Variants in CAPN1 observed in about 807,000 individuals in gnomAD.
The protein encoded by CAPN1 is calpain-1 catalytic subunit.
CAPN1 carries 77 observed loss-of-function variants against 105.2 expected under a neutral mutation model. The observed-to-expected ratio is 0.73, with a 90% CI of 0.61 to 0.88. The LOEUF is 0.88. Among genes scored for constraint, CAPN1 ranks in the 40% least tolerant of loss-of-function variants. CAPN1 has a pLI of 0.00. For missense variants in CAPN1, 833 were observed against 976.6 expected (o/e 0.85, Z 1.96); for synonymous variants, 355 against 388.8 (o/e 0.91, Z 1.02).
chr11:65,206,498 C>T lies in CAPN1; in HGVS notation c.1389C>T (p.Asp463=). ...VGQPAVHLKR[D]FFLANASRAR... ...AGCCGGCCGTACACTTGAAGCGTGA[C>T]TTCTTCCTGGCCAATGCGTCTCGGG... The change falls in exon 13 of 22, where the codon GAC becomes GAT. Residue 463 remains aspartate (D), a synonymous_variant. Transcript: ENST00000279247. 1 of 1,613,438 alleles carries T rather than the reference C, an allele frequency of 6.2e-7. No individual in the cohort carries two copies. The highest frequency in any genetic ancestry group is 8.5e-7 in the Non-Finnish European group (1 of 1,179,872).
chr11:65,190,827 C>T (rs1375707289), intron 10 of CAPN1, among the ~76,000 whole-genome samples: 2 of 152,042 alleles, frequency 1.3e-5, no homozygotes, highest in Non-Finnish European at 2.9e-5. Context: ...ATGCTTCTGC[C>T]TCAACCTCCT....
intron 11 of CAPN1, 30 bp downstream of exon 11, chr11:65,204,888 A>T: frequency 3.8e-6 from 6 of 1,577,010 alleles, no homozygotes; most frequent in Non-Finnish European, 4.3e-6. Context: ...GGTGGATCTC[A>T]CTGAGCAGGC....
Position 65,183,171 on chromosome 11 carries a change from G to C in CAPN1, c.311G>C (p.Arg104Pro). The C allele has an allele frequency of 6.2e-7, 1 of 1,613,870 alleles. No homozygotes were observed. Among genetic ancestry groups the C allele is most frequent in the Non-Finnish European group, 8.5e-7 (1 of 1,179,802 alleles). Residue 104 changes from arginine to proline, a missense_variant, in exon 3 of 22, where the codon CGC (arginine) becomes CCC (proline). By Grantham distance (103) the Arg-to-Pro change is moderately radical. Transcript: ENST00000279247. The part of the protein sequence containing the change: ...NPQFIVDGAT[R>P]TDICQGALGD... Reference sequence around the variant, plus strand: ...CAGTTCATTGTGGATGGAGCTACCCGCACAGACATCTGCCAGGGAGCACTG... The same window carrying C: ...CAGTTCATTGTGGATGGAGCTACCCCCACAGACATCTGCCAGGGAGCACTG...
rs762083288 is a variant in CAPN1, at chr11:65,206,612, C to T, written c.1503C>T (p.Phe501=). The change falls in exon 13 of 22, where the codon TTC becomes TTT. Residue 501 remains phenylalanine (F), a synonymous_variant. Transcript: ENST00000279247. ...AGTATGTGGTGGTGCCCTCCACCTTCGAGCCCAACAAGGAGGGCGACTTCG... is the reference window on the plus strand; with the variant it reads ...AGTATGTGGTGGTGCCCTCCACCTTTGAGCCCAACAAGGAGGGCGACTTCG... ...PGEYVVVPST[F]EPNKEGDFVL... is the part of the protein sequence containing the mutation. 1.7e-5 allele frequency: 27 copies of T among 1,613,340 alleles called. No homozygotes were observed. Among genetic ancestry groups the T allele is most frequent in the African/African-American group, 1.2e-4 (9 of 74,930 alleles).
chr11:65,181,891 A>AGGGCGGAG (rs1236832070), upstream of CAPN1: 3 of 106,234 alleles, frequency 2.8e-5, no homozygotes, highest in Non-Finnish European at 6.1e-5. The surrounding 1 kb of genome is among the most constrained non-coding windows in gnomAD (Gnocchi z 4.6). Context: ...GGGAGGGCGG[A>AGGGCGGAG]GGGCGGAGGG....
chr11:65,210,511 G>C lies in CAPN1; in HGVS notation c.2059+59G>C. On this transcript the variant is annotated intron_variant, in intron 20 of 21. Transcript: ENST00000279247. The surrounding 1 kb of genome is among the most constrained non-coding windows in gnomAD (Gnocchi z 4.3). ...TCCGTCCCAAACGCGTCCCCCAGGA[G>C]CTGGGGGGAATGACAGATGGGTGAA... is the stretch of plus-strand genomic sequence containing the variant. The C allele has an allele frequency of 4.9e-6, 5 of 1,027,250 alleles. No homozygotes were observed. Among genetic ancestry groups the C allele is most frequent in the Admixed American group, 1.9e-5 (1 of 52,094 alleles). The allele number at this position is 1,027,250 out of a possible 1,614,324, so 63.6% of individuals were successfully genotyped here.
At chr11:65,205,894 G>C (rs1369213566) in intron 12 of CAPN1, 173 bp downstream of exon 12, 1 of 659,012 alleles carries the variant, frequency 1.5e-6, no homozygotes, top group Non-Finnish European at 2.8e-6. Flanking sequence ...TTGCTCTCCT[G>C]AGGGTCAGCA....
rs1015587537 is a variant in CAPN1, at chr11:65,188,707, C to T, written c.1126C>T (p.Arg376Trp). Residue 376 changes from arginine (R) to tryptophan (W), a missense_variant, in exon 10 of 22, where the codon CGG becomes TGG. By Grantham distance (101) the Arg-to-Trp change is moderately radical. Coordinates refer to ENST00000279247, the MANE Select transcript of CAPN1 (RefSeq NM_005186.4). This position sits in a 1 kb window ranked among gnomAD's most constrained non-coding sequence, Gnocchi z 5.5. ...CACCACACTCTACGAAGGCACCTGG[C>T]GGCGGGGGAGCACCGCGGGGGGCTG... is the stretch of plus-strand genomic sequence containing the variant. ...WNTTLYEGTW[R>W]RGSTAGGCRN... The T allele has an allele frequency of 5.0e-6, 8 of 1,603,886 alleles. No individual in the cohort carries two copies. Among genetic ancestry groups the T allele is most frequent in the African/African-American group, 1.3e-5 (1 of 74,584 alleles).
At position 65,209,709 on chromosome 11, in the gene CAPN1, C is replaced by T. The variant is rs542890577; in HGVS notation, c.1795-140C>T. 9.8e-5 allele frequency: 79 copies of T among 806,950 alleles called. No individual in the cohort carries two copies. The highest frequency in any genetic ancestry group is 1.5e-4 in the Non-Finnish European group (75 of 492,596). The allele number at this position is 806,950 out of a possible 1,614,324, so 50.0% of individuals were successfully genotyped here. Reference sequence around the variant, plus strand: ...TAAGGCAAGCCCGGCTGTGGGCTGACTGTACATGGCTTTTGCTGCTTCTCC... The same window carrying T: ...TAAGGCAAGCCCGGCTGTGGGCTGATTGTACATGGCTTTTGCTGCTTCTCC... On this transcript the variant is annotated intron_variant, in intron 17 of 21. Transcript: ENST00000279247. The surrounding 1 kb of genome is among the most constrained non-coding windows in gnomAD (Gnocchi z 4.1).
At chr11:65,181,482 C>G (rs1948527557), upstream of CAPN1, 1 of 259,878 alleles carries the variant, frequency 3.8e-6, no homozygotes, top group African/African-American at 2.4e-5. The surrounding 1 kb of genome is among the most constrained non-coding windows in gnomAD (Gnocchi z 4.6). Flanking sequence ...GCGAGGGGAG[C>G]TGGGGACCGG....
chr11:65,186,902 C>A (rs1322877718), intron 6 of CAPN1, among the ~76,000 whole-genome samples: 17 of 152,208 alleles, frequency 1.1e-4, no homozygotes, highest in Non-Finnish European at 2.5e-4. Flanking sequence ...CTCTGGTGGG[C>A]TGTGCACGGC....
At chr11:65,185,821 G>A in intron 4 of CAPN1, 96 bp from the exon 5 acceptor site, 1 of 1,268,796 alleles carries the variant, frequency 7.9e-7, no homozygotes, top group South Asian at 1.4e-5. Flanking sequence ...TATGTATCTG[G>A]GATGTAGAAT....
In CAPN1 at chr11:65,208,241, C is replaced by T; in HGVS notation, c.1708C>T (p.Leu570Phe). 1 of 1,570,710 alleles carries T rather than the reference C, an allele frequency of 6.4e-7. No homozygotes were observed. Among genetic ancestry groups the T allele is most frequent in the Non-Finnish European group, 8.6e-7 (1 of 1,157,866 alleles). Residue 570 changes from leucine (L) to phenylalanine (F), a missense_variant, in exon 16 of 22, where the codon CTC becomes TTC. Coordinates refer to ENST00000279247, the MANE Select transcript of CAPN1 (RefSeq NM_005186.4). This position sits in a 1 kb window ranked among gnomAD's most constrained non-coding sequence, Gnocchi z 4.1. Reference protein sequence around the residue: ...EISVKELRTILNRIISKHKDL... With the variant: ...EISVKELRTIFNRIISKHKDL... ...CAGCGTGAAGGAGTTGCGGACAATC[C>T]TCAATAGGATCATCAGCAAACGTGA...
rs1266944556 is a variant in CAPN1, at chr11:65,194,414, G to GCA, written c.1165+5668_1165+5669insCA. 2.9e-3 allele frequency among the ~76,000 whole-genome samples: 435 copies of GCA among 152,266 alleles called. 1 individual carries two copies. The highest frequency in any genetic ancestry group is 8.9e-3 in the African/African-American group (369 of 41,548). Reference sequence around the variant, plus strand: ...AAGTTACACAATTTTGATACATAGTGTTTTTGAAAATCGTGAATGAGTATA... The same window carrying GCA: ...AAGTTACACAATTTTGATACATAGTGCATTTTTGAAAATCGTGAATGAGTATA... On this transcript the variant is annotated intron_variant, in intron 10 of 21. Coordinates refer to ENST00000279247, the MANE Select transcript of CAPN1 (RefSeq NM_005186.4).
intron 10 of CAPN1, among the ~76,000 whole-genome samples, chr11:65,201,581 G>A (rs1463259048): frequency 5.9e-5 from 9 of 151,840 alleles, no homozygotes; most frequent in East Asian, 2.0e-4. Context: ...GCAGTGGCGC[G>A]ATCTCGGCTC....
rs1056245838 is a variant in CAPN1, at chr11:65,188,925, C to A, written c.1165+179C>A. Among the ~76,000 whole-genome samples, 2 of 152,172 alleles carry A rather than the reference C, an allele frequency of 1.3e-5. No individual in the cohort carries two copies. The highest frequency in any genetic ancestry group is 1.9e-4 in the East Asian group (1 of 5,196). ...TTTTAAAGAGGCATGCTTGACTCAC[C>A]GTCTTGGGGCCTGAGCCCAGGGTGC... On this transcript the variant is annotated intron_variant, in intron 10 of 21. Transcript: ENST00000279247. This position sits in a 1 kb window ranked among gnomAD's most constrained non-coding sequence, Gnocchi z 5.5.
intron 10 of CAPN1, among the ~76,000 whole-genome samples, chr11:65,195,749 G>C (rs1487898523): frequency 2.6e-5 from 4 of 152,056 alleles, no homozygotes; most frequent in African/African-American, 9.7e-5. Flanking sequence ...TGGCCTCCTG[G>C]GATGAGTTAG....
chr11:65,203,484 C>G (rs1034284196), intron 10 of CAPN1: 1 of 152,410 alleles, frequency 6.6e-6, no homozygotes, highest in Non-Finnish European at 1.5e-5. Flanking sequence ...CTCAGCCTCC[C>G]AAGTAGCTGG....
rs17884068 is a variant in CAPN1 at position 65,209,183 on chromosome 11, C to T, written c.1730-140C>T. 4.0e-4 allele frequency: 268 copies of T among 673,288 alleles called. No individual in the cohort carries two copies. The highest frequency in any genetic ancestry group is 1.1e-3 in the Admixed American group (51 of 45,364). The allele number at this position is 673,288 out of a possible 1,614,324, so 41.7% of individuals were successfully genotyped here. ...TGTACTTCCTGATGATACAAACAATCCTGCCCACTTCCTCTGCCAGATATT... is the reference window on the plus strand; with the variant it reads ...TGTACTTCCTGATGATACAAACAATTCTGCCCACTTCCTCTGCCAGATATT... On this transcript the variant is annotated intron_variant, in intron 16 of 21. Coordinates refer to ENST00000279247, the MANE Select transcript of CAPN1 (RefSeq NM_005186.4). This position sits in a 1 kb window ranked among gnomAD's most constrained non-coding sequence, Gnocchi z 4.1.
Sources: allele counts gnomAD v4.1 joint callset (sites outside exome capture counted in the v4.1 genomes callset), GRCh38; gene constraint gnomAD v4.1.1; non-coding constraint Gnocchi (gnomAD v3.1); transcripts MANE v1.5; gene names NCBI Gene and HGNC (gene_info 2026-07-23, HGNC 2026-07-21).